Variants in TBC1D5 observed in about 807,000 individuals in gnomAD.
TBC1D5 encodes the protein TBC1 domain family, member 5.
TBC1D5 carries 75 observed loss-of-function variants against 100.3 expected under a neutral mutation model. The observed-to-expected ratio is 0.75, with a 90% CI of 0.62 to 0.91. The LOEUF (loss-of-function observed/expected upper bound fraction) is 0.91. Ranked by LOEUF, TBC1D5 falls within the 40% of genes least tolerant of loss-of-function variation. The pLI, the probability that TBC1D5 is intolerant of heterozygous loss-of-function variation, is 0.00. For missense variants in TBC1D5, 910 were observed against 942.4 expected, an observed-to-expected ratio of 0.97 and a Z score of 0.45; for synonymous variants, 323 against 325.6, an observed-to-expected ratio of 0.99 and a Z score of 0.09.
intron 16 of TBC1D5, among the ~76,000 whole-genome samples, chr3:17,258,270 T>G (rs1014564311): frequency 1.3e-5 from 2 of 152,132 alleles, no homozygotes; most frequent in African/African-American, 4.8e-5. Flanking sequence ...AAAAATGAAG[T>G]TGCCTAACTT....
chr3:17,219,011 T>C (rs1359622955), intron 17 of TBC1D5, among the ~76,000 whole-genome samples: 1 of 151,836 alleles, frequency 6.6e-6, no homozygotes, highest in Non-Finnish European at 1.5e-5. Flanking sequence ...CTCTTTTCCT[T>C]CTCTCCTTCT....
chr3:17,634,162 G>A (rs890590835), intron 1 of TBC1D5, among the ~76,000 whole-genome samples: 1 of 152,098 alleles, frequency 6.6e-6, no homozygotes, highest in Admixed American at 6.5e-5. Flanking sequence ...GAACAGTTTA[G>A]AGATTCCTCA....
At chr3:17,624,222 G>A (rs892034712) in intron 1 of TBC1D5, among the ~76,000 whole-genome samples, 1 of 152,132 alleles carries the variant, frequency 6.6e-6, no homozygotes, top group Admixed American at 6.6e-5. Flanking sequence ...TGTAAAATTA[G>A]ATAGTAATTC....
At chr3:17,724,686 C>T (rs1331338060) in intron 1 of TBC1D5, among the ~76,000 whole-genome samples, 8 of 152,172 alleles carry the variant, frequency 5.3e-5, no homozygotes, top group Admixed American at 5.2e-4. Flanking sequence ...ACTATTATCT[C>T]ATCAAATATT....
At chr3:17,376,613 C>T (rs1433067070) in exon 10 of TBC1D5, 1 of 1,610,120 alleles carries the variant, frequency 6.2e-7, no homozygotes, top group Non-Finnish European at 8.5e-7. Flanking sequence ...TCGTGCATGC[C>T]CTGAAATAAA....
intron 3 of TBC1D5, among the ~76,000 whole-genome samples, chr3:17,462,519 C>T (rs1394038570): frequency 6.6e-6 from 1 of 152,012 alleles, no homozygotes; most frequent in East Asian, 1.9e-4. Context: ...GGAGGTCTCA[C>T]TATGTTGCCC....
At position 17,292,019 on chromosome 3, in the gene TBC1D5, A is replaced by G. The variant is rs1019951118; in HGVS notation, c.1139-18T>C. The G allele has an allele frequency of 3.2e-6, 5 of 1,583,732 alleles. No individual in the cohort carries two copies. Among genetic ancestry groups the G allele is most frequent in the Admixed American group, 3.4e-5 (2 of 59,444 alleles). On this transcript the variant is annotated intron_variant, in intron 14 of 21. Transcript: ENST00000253692. ...AGAGATCACTAAATAAGAAGAAAAAATAATTCAGATGCAATACTATTTAAG... is the reference window on the plus strand; with the variant it reads ...AGAGATCACTAAATAAGAAGAAAAAGTAATTCAGATGCAATACTATTTAAG...
At chr3:17,254,448 G>C (rs2077449902) in intron 16 of TBC1D5, among the ~76,000 whole-genome samples, 1 of 151,902 alleles carries the variant, frequency 6.6e-6, no homozygotes, top group African/African-American at 2.4e-5. Flanking sequence ...GGTTTAATTT[G>C]CATTTTCCTG....
chr3:17,308,669 G>T (rs2083656635), intron 13 of TBC1D5, among the ~76,000 whole-genome samples: 2 of 151,966 alleles, frequency 1.3e-5, no homozygotes, highest in African/African-American at 4.8e-5. Flanking sequence ...CATTTTTTTG[G>T]TCAAGCATAG....
chr3:17,348,257 TACA>T (rs2090149183), intron 13 of TBC1D5, among the ~76,000 whole-genome samples: 1 of 152,212 alleles, frequency 6.6e-6, no homozygotes. Context: ...CATGTAAAAG[TACA>T]ACATTGCTTT....
rs192596654 is a variant in TBC1D5, at chr3:17,361,343, A to T, written c.995+10732T>A. Reference sequence around the variant, plus strand: ...TTTAGATTCAGAAATTTAAAAATTTATAATTATAGCTGGAGACAGAACAAG... The same window carrying T: ...TTTAGATTCAGAAATTTAAAAATTTTTAATTATAGCTGGAGACAGAACAAG... On this transcript the variant is annotated intron_variant, in intron 13 of 21. Transcript: ENST00000253692. Among the ~76,000 whole-genome samples, 65 of 152,196 alleles carry T rather than the reference A, an allele frequency of 4.3e-4. 2 individuals are homozygous for T. Among genetic ancestry groups the T allele is most frequent in the Non-Finnish European group, 3.7e-4 (25 of 67,944 alleles).
chr3:17,428,589 A>G, intron 3 of TBC1D5, 70 bp from the exon 4 acceptor site: 1 of 770,046 alleles, frequency 1.3e-6, no homozygotes, highest in South Asian at 2.9e-5. Context: ...AACTGTGTGA[A>G]AGCTCTACGC....
chr3:17,375,766 C>A lies in TBC1D5; in HGVS notation c.701+759G>T, dbSNP rs574000318. 2.0e-5 allele frequency among the ~76,000 whole-genome samples: 3 copies of A among 151,980 alleles called. No homozygotes were observed. In the East Asian group the frequency reaches 5.8e-4, roughly 29 times the overall value. ...AGACAAAAGTTAATTTAACAAAGGC[C>A]TGAATATATGCTCAGCAAAGTGGAT... is the stretch of plus-strand genomic sequence containing the variant. On this transcript the variant is annotated intron_variant, in intron 10 of 21. Transcript: ENST00000253692.
intron 17 of TBC1D5, among the ~76,000 whole-genome samples, chr3:17,221,540 G>A (rs78351015): frequency 0.039 from 5,945 of 152,180 alleles, 395 homozygotes; most frequent in African/African-American, 0.13. Flanking sequence ...ACGAACTCAA[G>A]AAGAAAGAGG....
chr3:17,671,213 CA>C (rs1274317673), intron 1 of TBC1D5, among the ~76,000 whole-genome samples: 65 of 152,268 alleles, frequency 4.3e-4, no homozygotes, highest in African/African-American at 1.5e-3. Flanking sequence ...ACATGTCAAT[CA>C]AAGATGTACA....
chr3:17,324,133 C>T (rs2085777595), intron 13 of TBC1D5, among the ~76,000 whole-genome samples: 1 of 152,092 alleles, frequency 6.6e-6, no homozygotes, highest in African/African-American at 2.4e-5. Context: ...AACAATGAAC[C>T]TCGTACTTAT....
At chr3:17,640,170 G>A (rs2064357822) in intron 1 of TBC1D5, among the ~76,000 whole-genome samples, 1 of 151,922 alleles carries the variant, frequency 6.6e-6, no homozygotes, top group Non-Finnish European at 1.5e-5. Context: ...TCCTACAAAG[G>A]TATCTCCTGA....
intron 3 of TBC1D5, 25 bp from the exon 4 acceptor site, chr3:17,428,544 A>G: frequency 7.7e-7 from 1 of 1,306,864 alleles, no homozygotes; most frequent in Non-Finnish European, 1.0e-6. Context: ...TACGACACTG[A>G]AATAATGGAG....
chr3:17,705,188 G>C (rs2073914914), intron 1 of TBC1D5, among the ~76,000 whole-genome samples: 1 of 93,888 alleles, frequency 1.1e-5, no homozygotes, highest in Non-Finnish European at 2.3e-5. Flanking sequence ...CGGCTGGCCA[G>C]GCGGGGGGCT....
Sources: allele counts gnomAD v4.1 joint callset (sites outside exome capture counted in the v4.1 genomes callset), GRCh38; gene constraint gnomAD v4.1.1; transcripts MANE v1.5; gene names NCBI Gene and HGNC (gene_info 2026-07-23, HGNC 2026-07-21).